The following SKAP1 variants were observed in gnomAD, a reference collection of about 807,000 sequenced individuals.
SKAP1 encodes src kinase associated phosphoprotein 1.
SKAP1 carries 44 observed loss-of-function variants against 58.5 expected under a neutral mutation model. That is an observed-to-expected ratio of 0.75 (90% CI 0.59 to 0.97). SKAP1 has a LOEUF of 0.97. Among genes scored for constraint, SKAP1 ranks in the 50% least tolerant of loss-of-function variants. SKAP1 has a pLI of 0.00. For synonymous variants in SKAP1, 127 were observed against 149.7 expected (o/e 0.85, Z 1.11); for missense variants, 390 against 435.2 (o/e 0.90, Z 0.92).
chr17:48,160,490 T>C (rs2064053959), intron 11 of SKAP1, among the ~76,000 whole-genome samples: 1 of 151,812 alleles, frequency 6.6e-6, no homozygotes. Flanking sequence ...TTTTTCTTTT[T>C]AAAGATTGGA....
chr17:48,157,295 G>A (rs919948599), intron 11 of SKAP1, among the ~76,000 whole-genome samples: 2 of 151,850 alleles, frequency 1.3e-5, no homozygotes, highest in African/African-American at 4.8e-5. Context: ...GAGCGCAGTG[G>A]CGTAATCTCG....
chr17:48,351,847 C>A (rs982048835), intron 3 of SKAP1, among the ~76,000 whole-genome samples: 1 of 152,104 alleles, frequency 6.6e-6, no homozygotes, highest in South Asian at 2.1e-4. Flanking sequence ...GTGAATCCAA[C>A]AACCGAAAGG....
At chr17:48,225,014 AT>A (rs1316457858) in intron 4 of SKAP1, among the ~76,000 whole-genome samples, 7 of 152,240 alleles carry the variant, frequency 4.6e-5, no homozygotes, top group Non-Finnish European at 1.0e-4. Context: ...AGGACTACAA[AT>A]AACTATAGGG....
chr17:48,442,435 G>A, the SKAP1 span, among the ~76,000 whole-genome samples: 2 of 152,024 alleles, frequency 1.3e-5, no homozygotes, highest in Admixed American at 1.3e-4. Flanking sequence ...TGAAAATCAG[G>A]GATATGATTA....
chr17:48,346,022 G>C lies in SKAP1; in HGVS notation c.179-16C>G, dbSNP rs750327105. The C allele has an allele frequency of 6.6e-7, 1 of 1,514,048 alleles. No homozygotes were observed. The highest frequency in any genetic ancestry group is 2.3e-5 in the East Asian group (1 of 43,258). The allele number at this position is 1,514,048 out of a possible 1,614,324, so 93.8% of individuals were successfully genotyped here. ...ATGTCTCCCCCTGAGGGACAAAAAA[G>C]ACAGAAAATAAGGTTAATCTTTGGG... On this transcript the variant is annotated splice_polypyrimidine_tract_variant and intron_variant, in intron 3 of 12. Coordinates refer to ENST00000336915, the MANE Select transcript of SKAP1 (RefSeq NM_003726.4).
rs1047224132 is a variant in SKAP1 at position 48,249,657 on chromosome 17, C to G, written c.281-60157G>C. Among the ~76,000 whole-genome samples, 3 of 151,702 alleles carry G rather than the reference C, an allele frequency of 2.0e-5. No homozygotes were observed. The South Asian group carries it at 6.3e-4, about 32-fold the overall frequency. Reference sequence around the variant, plus strand: ...CCTCGGCACTCCAGGCAGAGCAAGACCTTGTCTTAAAAAAAAAACAAAACC... The same window carrying G: ...CCTCGGCACTCCAGGCAGAGCAAGAGCTTGTCTTAAAAAAAAAACAAAACC... On this transcript the variant is annotated intron_variant, in intron 4 of 12. Coordinates refer to ENST00000336915, the MANE Select transcript of SKAP1 (RefSeq NM_003726.4).
intron 4 of SKAP1, among the ~76,000 whole-genome samples, chr17:48,299,621 G>A (rs956207269): frequency 1.3e-5 from 2 of 152,052 alleles, no homozygotes; most frequent in African/African-American, 4.8e-5. Flanking sequence ...CACATTTTAG[G>A]GGATCAATCT....
rs114893027 is a variant in SKAP1 at position 48,160,194 on chromosome 17, G to T, written c.978+2275C>A. Among the ~76,000 whole-genome samples, 495 of 152,214 alleles carry T rather than the reference G, an allele frequency of 3.3e-3. 3 individuals carry two copies. Among genetic ancestry groups the T allele is most frequent in the African/African-American group, 0.011 (466 of 41,526 alleles). On this transcript the variant is annotated intron_variant, in intron 11 of 12. Transcript: ENST00000336915. ...CAGGCAAGAGTGCAGTGGCAATCAT[G>T]GCAAAAATCATGGCAGCCTTGAACT...
At chr17:48,287,719 T>C (rs901087651) in intron 4 of SKAP1, among the ~76,000 whole-genome samples, 6 of 152,214 alleles carry the variant, frequency 3.9e-5, no homozygotes, top group Admixed American at 2.6e-4. Context: ...TAAATGCTGC[T>C]CAGACTCTAG....
chr17:48,194,164 G>A (rs1330463819), intron 4 of SKAP1, among the ~76,000 whole-genome samples: 3 of 152,134 alleles, frequency 2.0e-5, no homozygotes, highest in Non-Finnish European at 4.4e-5. Flanking sequence ...TTAGCTGAAG[G>A]ATATGGGGCC....
At chr17:48,404,061 C>T (rs1424875733) in intron 1 of SKAP1, among the ~76,000 whole-genome samples, 5 of 149,476 alleles carry the variant, frequency 3.3e-5, no homozygotes, top group African/African-American at 1.2e-4. Context: ...TGCACTCCAG[C>T]CTGGGAGACA....
At chr17:48,248,561 C>T (rs1287650177) in intron 4 of SKAP1, among the ~76,000 whole-genome samples, 3 of 152,096 alleles carry the variant, frequency 2.0e-5, no homozygotes, top group South Asian at 2.1e-4. Flanking sequence ...GGCAAGACTC[C>T]GTCTCAAAAA....
At chr17:48,248,596 C>T (rs1259687243) in intron 4 of SKAP1, among the ~76,000 whole-genome samples, 4 of 152,004 alleles carry the variant, frequency 2.6e-5, no homozygotes, top group African/African-American at 9.7e-5. Flanking sequence ...AACAAACAAA[C>T]AAATTGTAGG....
At chr17:48,227,949 T>G (rs2065087226) in intron 4 of SKAP1, among the ~76,000 whole-genome samples, 1 of 152,212 alleles carries the variant, frequency 6.6e-6, no homozygotes, top group Non-Finnish European at 1.5e-5. Context: ...AAATGTTGGT[T>G]AAATAAATAA....
chr17:48,374,093 G>A (rs1358533396), intron 2 of SKAP1, among the ~76,000 whole-genome samples: 1 of 152,082 alleles, frequency 6.6e-6, no homozygotes, highest in Non-Finnish European at 1.5e-5. Context: ...GGAGCGTAGT[G>A]ACACAATCTC....
chr17:48,169,226 G>A (rs997961094), intron 10 of SKAP1, among the ~76,000 whole-genome samples: 6 of 152,146 alleles, frequency 3.9e-5, no homozygotes, highest in African/African-American at 1.4e-4. Context: ...AATGAGATGA[G>A]GGAGGAGTCT....
At chr17:48,376,842 G>T (rs1194962403) in intron 2 of SKAP1, among the ~76,000 whole-genome samples, 2 of 152,188 alleles carry the variant, frequency 1.3e-5, no homozygotes, top group Non-Finnish European at 2.9e-5. Context: ...GGGACCAGAA[G>T]AACCCATGTC....
At chr17:48,181,052 G>A (rs955950921) in intron 8 of SKAP1, among the ~76,000 whole-genome samples, 4 of 152,140 alleles carry the variant, frequency 2.6e-5, no homozygotes, top group African/African-American at 9.7e-5. Flanking sequence ...TCTGCAGGAT[G>A]GGTGAGTGCA....
intron 2 of SKAP1, among the ~76,000 whole-genome samples, chr17:48,390,857 T>A (rs1487369747): frequency 6.6e-6 from 1 of 152,150 alleles, no homozygotes. Flanking sequence ...GGTGGACTGC[T>A]TGAGGCCAGG....
Sources: allele counts gnomAD v4.1 joint callset (sites outside exome capture counted in the v4.1 genomes callset), GRCh38; gene constraint gnomAD v4.1.1; transcripts MANE v1.5; gene names NCBI Gene and HGNC (gene_info 2026-07-23, HGNC 2026-07-21).